The following ELOVL6 variants were observed in gnomAD, a reference collection of about 807,000 sequenced individuals.
The protein encoded by ELOVL6 is ELOVL fatty acid elongase 6.
ELOVL6 carries 8 observed loss-of-function variants against 31.7 expected under a neutral mutation model. The ratio of observed to expected loss-of-function variants is 0.25; its 90% confidence interval spans 0.15 to 0.45. The LOEUF (loss-of-function observed/expected upper bound fraction) is 0.45, where lower values mean the gene tolerates loss of function less well. ELOVL6 is among the 20% of genes least tolerant of loss of function. The pLI, the probability that ELOVL6 is intolerant of heterozygous loss-of-function variation, is 1.00. For synonymous variants in ELOVL6, 101 were observed against 117.7 expected (o/e 0.86, Z 0.92); for missense variants, 126 against 326.4 (o/e 0.39, Z 4.73).
chr4:110,095,729 C>T (rs1756563206), intron 2 of ELOVL6, among the ~76,000 whole-genome samples: 4 of 152,054 alleles, frequency 2.6e-5, no homozygotes, highest in Admixed American at 2.6e-4. Context: ...GTAGAGGAAA[C>T]ATTTGAAGGA....
chr4:110,174,155 A>G (rs1759032499), intron 1 of ELOVL6, among the ~76,000 whole-genome samples: 1 of 151,830 alleles, frequency 6.6e-6, no homozygotes, highest in Non-Finnish European at 1.5e-5. Context: ...GGATGTAAAG[A>G]AAGACAGTCT....
chr4:110,093,734 G>T (rs989955676), intron 2 of ELOVL6, among the ~76,000 whole-genome samples: 5 of 152,108 alleles, frequency 3.3e-5, no homozygotes, highest in Non-Finnish European at 7.3e-5. Flanking sequence ...AAAAATCACT[G>T]CCCTCATGGA....
At chr4:110,154,850 T>C (rs1005860300) in intron 1 of ELOVL6, among the ~76,000 whole-genome samples, 7 of 152,294 alleles carry the variant, frequency 4.6e-5, no homozygotes, top group African/African-American at 1.7e-4. Context: ...TGTAATTAAC[T>C]TGGAGAAGAA....
At chr4:110,110,121 C>G (rs1052462376) in intron 1 of ELOVL6, among the ~76,000 whole-genome samples, 1 of 152,040 alleles carries the variant, frequency 6.6e-6, no homozygotes, top group Non-Finnish European at 1.5e-5. Flanking sequence ...GTTGCTGACT[C>G]AAGTCAGGAA....
intron 1 of ELOVL6, among the ~76,000 whole-genome samples, chr4:110,183,222 A>G (rs1032616577): frequency 1.3e-5 from 2 of 152,044 alleles, no homozygotes; most frequent in African/African-American, 2.4e-5. Context: ...TAGAACCACA[A>G]CCCCTTATCT....
At chr4:110,070,391 A>C (rs1326198996) in intron 2 of ELOVL6, among the ~76,000 whole-genome samples, 1 of 152,256 alleles carries the variant, frequency 6.6e-6, no homozygotes. Flanking sequence ...CACCAGGATC[A>C]CAAAAGTGGT....
intron 1 of ELOVL6, among the ~76,000 whole-genome samples, chr4:110,188,227 A>G (rs1334464770): frequency 6.6e-6 from 1 of 152,214 alleles, no homozygotes; most frequent in Non-Finnish European, 1.5e-5. Context: ...CAGACAGTAA[A>G]TATTTCATAG....
At chr4:110,194,665 A>G (rs1277110397) in intron 1 of ELOVL6, among the ~76,000 whole-genome samples, 1 of 152,168 alleles carries the variant, frequency 6.6e-6, no homozygotes, top group African/African-American at 2.4e-5. Flanking sequence ...AACACGTGCT[A>G]TGGTTAGTAA....
At chr4:110,116,595 G>A (rs1227149129) in intron 1 of ELOVL6, among the ~76,000 whole-genome samples, 2 of 152,042 alleles carry the variant, frequency 1.3e-5, no homozygotes, top group African/African-American at 2.4e-5. Context: ...ATATGTATTC[G>A]ATTTATTCTG....
chr4:110,195,141 A>C (rs1407011686), intron 1 of ELOVL6, among the ~76,000 whole-genome samples: 1 of 152,192 alleles, frequency 6.6e-6, no homozygotes, highest in Non-Finnish European at 1.5e-5. Context: ...AATCTGGTTC[A>C]AGACTTTTTG....
In ELOVL6 at chr4:110,166,761, G is replaced by A. The variant is rs576213469; in HGVS notation, c.89+31486C>T. Among the ~76,000 whole-genome samples the A allele has an allele frequency of 2.6e-4, 39 of 152,238 alleles. 1 individual carries two copies. In the South Asian group the frequency reaches 3.3e-3, roughly 13 times the overall value. ...TGCTACCACCATGAAAGGAAACTCC[G>A]TCTTCCTTTTTCATCAACCCAACTA... On this transcript the variant is annotated intron_variant, in intron 1 of 3. Transcript: ENST00000302274.
intron 1 of ELOVL6, among the ~76,000 whole-genome samples, chr4:110,136,406 G>A (rs1035861188): frequency 5.9e-5 from 9 of 152,076 alleles, no homozygotes; most frequent in South Asian, 2.1e-4. Flanking sequence ...TTTAAAACTC[G>A]AAATGTGTAA....
chr4:110,160,137 C>T (rs563943976), intron 1 of ELOVL6, among the ~76,000 whole-genome samples: 1 of 151,866 alleles, frequency 6.6e-6, no homozygotes, highest in Admixed American at 6.6e-5. Flanking sequence ...CACACAAACA[C>T]TATTGGATGT....
intron 2 of ELOVL6, among the ~76,000 whole-genome samples, chr4:110,096,365 A>G (rs1472732584): frequency 6.6e-6 from 1 of 152,218 alleles, no homozygotes; most frequent in Non-Finnish European, 1.5e-5. Flanking sequence ...TGGTTTCTCA[A>G]AAGGGGTCAA....
intron 1 of ELOVL6, among the ~76,000 whole-genome samples, chr4:110,120,180 T>C (rs560837740): frequency 2.0e-5 from 3 of 152,272 alleles, no homozygotes; most frequent in Admixed American, 2.0e-4. Context: ...ACACACCATG[T>C]GGATAGGTAG....
At chr4:110,060,654 C>T (rs1755111141) in intron 2 of ELOVL6, among the ~76,000 whole-genome samples, 1 of 152,200 alleles carries the variant, frequency 6.6e-6, no homozygotes, top group Non-Finnish European at 1.5e-5. Context: ...CAAGCAGCCA[C>T]TATTACGAAG....
chr4:110,059,078 T>C (rs1189176456), intron 3 of ELOVL6, among the ~76,000 whole-genome samples: 1 of 152,188 alleles, frequency 6.6e-6, no homozygotes, highest in African/African-American at 2.4e-5. Flanking sequence ...GAAGGTAAAT[T>C]ACATTCCCCT....
chr4:110,066,376 C>A (rs546468892), intron 2 of ELOVL6, among the ~76,000 whole-genome samples: 4 of 152,104 alleles, frequency 2.6e-5, no homozygotes, highest in Admixed American at 6.5e-5. Context: ...GTGGCTCATG[C>A]CTGTAATCCC....
chr4:110,149,356 A>G (rs1758219308), intron 1 of ELOVL6, among the ~76,000 whole-genome samples: 1 of 152,264 alleles, frequency 6.6e-6, no homozygotes, highest in Non-Finnish European at 1.5e-5. Flanking sequence ...TCTGTTCACA[A>G]TATCAAACAT....
Sources: allele counts gnomAD v4.1 joint callset (sites outside exome capture counted in the v4.1 genomes callset), GRCh38; gene constraint gnomAD v4.1.1; transcripts MANE v1.5; gene names NCBI Gene and HGNC (gene_info 2026-07-23, HGNC 2026-07-21).